Variants in SMAD3 observed in about 807,000 individuals in gnomAD.
SMAD3 encodes SMAD family member 3, also known as MAD homolog 3.
Under a neutral mutation model 51.8 loss-of-function variants are expected in SMAD3, and 12 were observed. The ratio of observed to expected loss-of-function variants is 0.23; its 90% confidence interval spans 0.15 to 0.38. The LOEUF is 0.38. Ranked by LOEUF, SMAD3 falls within the 10% of genes least tolerant of loss-of-function variation. SMAD3 has a pLI of 1.00. For synonymous variants in SMAD3, 238 were observed against 227.7 expected (o/e 1.05, Z -0.41); for missense variants, 294 against 565.6 (o/e 0.52, Z 4.87).
chr15:67,129,843 T>C (rs1961479651), intron 1 of SMAD3, among the ~76,000 whole-genome samples: 1 of 152,264 alleles, frequency 6.6e-6, no homozygotes, highest in Non-Finnish European at 1.5e-5. Flanking sequence ...TGATGTGTCC[T>C]TTATACTTGT....
At chr15:67,132,756 G>C (rs1196766511) in intron 1 of SMAD3, among the ~76,000 whole-genome samples, 1 of 152,154 alleles carries the variant, frequency 6.6e-6, no homozygotes, top group Non-Finnish European at 1.5e-5. Context: ...TGAATACTGG[G>C]GAAGCCTGCT....
intron 1 of SMAD3, among the ~76,000 whole-genome samples, chr15:67,122,600 A>G (rs1345431091): frequency 6.6e-6 from 1 of 152,238 alleles, no homozygotes; most frequent in East Asian, 1.9e-4. Flanking sequence ...TCTTGCATCT[A>G]GCTAAGAGCT....
At position 67,112,717 on chromosome 15, in the gene SMAD3, A is replaced by G. The variant is rs1359091997; in HGVS notation, c.206+46357A>G. Among the ~76,000 whole-genome samples, 2 of 132,862 alleles carry G rather than the reference A, an allele frequency of 1.5e-5. 1 individual carries two copies. The highest frequency in any genetic ancestry group is 6.0e-5 in the African/African-American group (2 of 33,524). 87.2% of individuals were successfully genotyped at this position (132,862 alleles called of 152,430 possible). ...GTTGTATCTAAGAAACTGTTGCTTAATCCAGGGTCACAAAAATTTACTCCC... is the reference window on the plus strand; with the variant it reads ...GTTGTATCTAAGAAACTGTTGCTTAGTCCAGGGTCACAAAAATTTACTCCC... On this transcript the variant is annotated intron_variant, in intron 1 of 8. Coordinates refer to ENST00000327367, the MANE Select transcript of SMAD3 (RefSeq NM_005902.4).
chr15:67,074,253 T>G (rs1196574228), intron 1 of SMAD3, among the ~76,000 whole-genome samples: 1 of 152,254 alleles, frequency 6.6e-6, no homozygotes. Context: ...CCTCTTGAGA[T>G]GCAGTGAACA....
At chr15:67,178,797 G>C (rs890186084) in intron 5 of SMAD3, among the ~76,000 whole-genome samples, 1 of 152,124 alleles carries the variant, frequency 6.6e-6, no homozygotes, top group African/African-American at 2.4e-5. Context: ...CGTGGCTGAC[G>C]TGGCTCAGCC....
chr15:67,106,686 A>G (rs1419652658), intron 1 of SMAD3, among the ~76,000 whole-genome samples: 1 of 152,124 alleles, frequency 6.6e-6, no homozygotes, highest in African/African-American at 2.4e-5. Context: ...GAGGACACTT[A>G]TGCTGTGATG....
intron 1 of SMAD3, among the ~76,000 whole-genome samples, chr15:67,136,684 C>G (rs1344175620): frequency 2.0e-5 from 3 of 152,174 alleles, no homozygotes; most frequent in Non-Finnish European, 4.4e-5. Context: ...TAATGCTTCC[C>G]TCCCCACTTT....
intron 1 of SMAD3, among the ~76,000 whole-genome samples, chr15:67,085,282 T>G (rs1960364302): frequency 6.6e-6 from 1 of 152,164 alleles, no homozygotes; most frequent in African/African-American, 2.4e-5. Context: ...GCAGCAGGCC[T>G]GGGTTCTAGG....
intron 1 of SMAD3, among the ~76,000 whole-genome samples, chr15:67,122,318 G>T (rs558587105): frequency 6.6e-6 from 1 of 152,322 alleles, no homozygotes; most frequent in East Asian, 1.9e-4. Context: ...GTACTGTGCG[G>T]GTCAGCTCTT....
intron 1 of SMAD3, among the ~76,000 whole-genome samples, chr15:67,118,922 G>A (rs1380783036): frequency 6.6e-6 from 1 of 152,212 alleles, no homozygotes. Context: ...ACAAGCAGGT[G>A]CTTGTTAACT....
chr15:67,175,244 G>A (rs983228739), intron 5 of SMAD3, among the ~76,000 whole-genome samples: 1 of 152,196 alleles, frequency 6.6e-6, no homozygotes, highest in African/African-American at 2.4e-5. Context: ...AATGTACCAG[G>A]GAGAGCCCTG....
chr15:67,074,548 G>A (rs966690478), intron 1 of SMAD3, among the ~76,000 whole-genome samples: 6 of 152,226 alleles, frequency 3.9e-5, no homozygotes, highest in African/African-American at 1.2e-4. Flanking sequence ...TGAAAAGTGA[G>A]TTTCCTCCTA....
intron 1 of SMAD3, among the ~76,000 whole-genome samples, chr15:67,149,257 G>A (rs1962061138): frequency 6.6e-6 from 1 of 152,112 alleles, no homozygotes; most frequent in Non-Finnish European, 1.5e-5. Context: ...CCACTACTTG[G>A]GCCTGTTCAG....
chr15:67,187,539 G>A (rs759918039), intron 8 of SMAD3, 30 bp downstream of exon 8: 1 of 1,613,804 alleles, frequency 6.2e-7, no homozygotes, highest in East Asian at 2.2e-5. Context: ...TACATCAGGG[G>A]ACCCAACTCC....
chr15:67,132,820 C>CA (rs1961558324), intron 1 of SMAD3, among the ~76,000 whole-genome samples: 1 of 152,228 alleles, frequency 6.6e-6, no homozygotes. Flanking sequence ...CCCCACTCAT[C>CA]ACTCCAAGGC....
At chr15:67,102,215 A>G (rs1960773809) in intron 1 of SMAD3, among the ~76,000 whole-genome samples, 1 of 149,854 alleles carries the variant, frequency 6.7e-6, no homozygotes, top group Admixed American at 6.7e-5. Context: ...CCACCATGTT[A>G]TTCAGATCAG....
intron 1 of SMAD3, chr15:67,143,175 A>T (rs1961879403): frequency 5.5e-6 from 1 of 181,838 alleles, no homozygotes; most frequent in Non-Finnish European, 1.2e-5. Context: ...GATCTGTATG[A>T]TTATTTTTTG....
At chr15:67,112,294 C>T (rs1436672552) in intron 1 of SMAD3, among the ~76,000 whole-genome samples, 47 of 149,544 alleles carry the variant, frequency 3.1e-4, no homozygotes, top group Non-Finnish European at 4.0e-4. Flanking sequence ...GGATTACAGG[C>T]GCCCGCCACC....
At chr15:67,079,076 T>A (rs1392569634) in intron 1 of SMAD3, among the ~76,000 whole-genome samples, 2 of 152,034 alleles carry the variant, frequency 1.3e-5, no homozygotes, top group African/African-American at 4.8e-5. Flanking sequence ...CTTCCCGGAT[T>A]CAGGCTATTC....
Sources: gnomAD v4.1 joint callset for allele counts (sites outside exome capture counted in the v4.1 genomes callset) on GRCh38, gnomAD v4.1.1 for gene constraint, MANE v1.5 for transcripts, NCBI Gene and HGNC (gene_info 2026-07-23, HGNC 2026-07-21) for gene names.